The following ASIC2 variants were observed in gnomAD, a reference collection of about 807,000 sequenced individuals.
ASIC2 encodes the protein acid-sensing ion channel 2.
In ASIC2, 25 loss-of-function variants were observed where a neutral mutation model predicts 57.3. That is an observed-to-expected ratio of 0.44 (90% confidence interval 0.32 to 0.61). The LOEUF (loss-of-function observed/expected upper bound fraction) is 0.61. Among genes scored for constraint, ASIC2 ranks in the 20% least tolerant of loss-of-function variants. The pLI is 0.06. For synonymous variants in ASIC2, 319 were observed against 307.5 expected, an observed-to-expected ratio of 1.04 and a Z score of -0.39; for missense variants, 641 against 738.1, an observed-to-expected ratio of 0.87 and a Z score of 1.52.
At chr17:34,041,096 A>G (rs890350682) in intron 1 of ASIC2, 1 of 152,264 alleles carries the variant, frequency 6.6e-6, no homozygotes, top group South Asian at 2.1e-4. Flanking sequence ...TGGGTCTACC[A>G]TATGCAAAGC....
intron 1 of ASIC2, among the ~76,000 whole-genome samples, chr17:34,114,307 G>C (rs1024115231): frequency 2.6e-5 from 4 of 152,180 alleles, no homozygotes; most frequent in African/African-American, 9.7e-5. Context: ...TCATAGCAAA[G>C]GGAGGCACAG....
At chr17:33,181,300 G>A (rs193069861) in intron 1 of ASIC2, among the ~76,000 whole-genome samples, 117 of 152,274 alleles carry the variant, frequency 7.7e-4, no homozygotes, top group Non-Finnish European at 1.2e-3. Flanking sequence ...ACACAAAAGT[G>A]TTTATAATAA....
At chr17:33,190,496 A>C (rs1215699338) in intron 1 of ASIC2, among the ~76,000 whole-genome samples, 1 of 152,184 alleles carries the variant, frequency 6.6e-6, no homozygotes. Flanking sequence ...AACCCAATGA[A>C]AATCTCAGCA....
chr17:33,925,839 G>C (rs1383660230), intron 1 of ASIC2, among the ~76,000 whole-genome samples: 1 of 152,206 alleles, frequency 6.6e-6, no homozygotes, highest in African/African-American at 2.4e-5. Flanking sequence ...CTCTACCCAA[G>C]GCTGCGTGGG....
chr17:33,822,318 A>G (rs1217252197), intron 1 of ASIC2, among the ~76,000 whole-genome samples: 1 of 152,190 alleles, frequency 6.6e-6, no homozygotes, highest in Non-Finnish European at 1.5e-5. Flanking sequence ...TGAATAAAGC[A>G]TGCACTTTTT....
chr17:33,914,531 G>A (rs1372574237), intron 1 of ASIC2, among the ~76,000 whole-genome samples: 1 of 152,208 alleles, frequency 6.6e-6, no homozygotes, highest in Admixed American at 6.5e-5. Context: ...TACAACTGCA[G>A]GAACAGGCTA....
At chr17:33,266,763 T>G (rs991305322) in intron 1 of ASIC2, among the ~76,000 whole-genome samples, 10 of 152,204 alleles carry the variant, frequency 6.6e-5, no homozygotes, top group African/African-American at 2.4e-4. Context: ...ATTGTGACAT[T>G]ATAATGGACT....
At chr17:33,400,850 A>T (rs899197477) in intron 1 of ASIC2, among the ~76,000 whole-genome samples, 10 of 152,022 alleles carry the variant, frequency 6.6e-5, no homozygotes, top group Admixed American at 6.6e-4. Flanking sequence ...TCTATTACAA[A>T]CAGGCATCTC....
chr17:33,641,817 G>T (rs1384786449), intron 1 of ASIC2, among the ~76,000 whole-genome samples: 2 of 152,164 alleles, frequency 1.3e-5, no homozygotes, highest in Admixed American at 6.5e-5. Context: ...TGCGTGGTCT[G>T]TACAAAAGGG....
chr17:33,486,518 C>T (rs376495128), intron 1 of ASIC2, among the ~76,000 whole-genome samples: 5 of 152,318 alleles, frequency 3.3e-5, no homozygotes, highest in South Asian at 2.1e-4. Context: ...ATCACTTTTA[C>T]GGCCCTGGCT....
intron 1 of ASIC2, among the ~76,000 whole-genome samples, chr17:33,156,921 A>C (rs1240483554): frequency 6.6e-6 from 1 of 152,158 alleles, no homozygotes; most frequent in Non-Finnish European, 1.5e-5. Context: ...GCTGGGAACC[A>C]CTGCCTGAGC....
chr17:33,193,022 C>T (rs1382044674), intron 1 of ASIC2, among the ~76,000 whole-genome samples: 2 of 152,166 alleles, frequency 1.3e-5, no homozygotes, highest in Non-Finnish European at 2.9e-5. Flanking sequence ...TGCTAAGCAA[C>T]TGAATTGTTC....
intron 1 of ASIC2, among the ~76,000 whole-genome samples, chr17:33,902,638 C>G (rs988866279): frequency 6.6e-6 from 1 of 152,152 alleles, no homozygotes; most frequent in Non-Finnish European, 1.5e-5. Flanking sequence ...CAGCCTCAGT[C>G]TAGGGAGTTA....
At chr17:33,276,492 A>G (rs1904710431) in intron 1 of ASIC2, among the ~76,000 whole-genome samples, 1 of 152,208 alleles carries the variant, frequency 6.6e-6, no homozygotes. Context: ...AAAGACAAAA[A>G]CTGATTACTG....
intron 1 of ASIC2, among the ~76,000 whole-genome samples, chr17:33,513,659 G>A (rs1364275145): frequency 6.6e-6 from 1 of 152,204 alleles, no homozygotes; most frequent in East Asian, 1.9e-4. Context: ...AGAGGTGAGA[G>A]GAAGTTGGGG....
chr17:33,526,655 C>G (rs534698944), intron 1 of ASIC2, among the ~76,000 whole-genome samples: 1,941 of 152,238 alleles, frequency 0.013, no homozygotes, highest in African/African-American at 0.045. Flanking sequence ...CCTCATCAGG[C>G]CCTTATACAG....
chr17:33,060,265 G>A (rs2092015462), intron 3 of ASIC2, among the ~76,000 whole-genome samples: 1 of 152,062 alleles, frequency 6.6e-6, no homozygotes, highest in Admixed American at 6.5e-5. Flanking sequence ...GTATTGCCTA[G>A]GTTTTCTTCT....
At chr17:33,738,724 A>G (rs951590365) in intron 1 of ASIC2, among the ~76,000 whole-genome samples, 4 of 152,108 alleles carry the variant, frequency 2.6e-5, no homozygotes, top group African/African-American at 9.7e-5. Flanking sequence ...GGCAGATCCA[A>G]CTAAAACAAT....
intron 1 of ASIC2, among the ~76,000 whole-genome samples, chr17:33,740,867 T>C (rs1214171263): frequency 1.3e-5 from 2 of 152,226 alleles, no homozygotes; most frequent in African/African-American, 4.8e-5. Flanking sequence ...TCTAGGACTC[T>C]GCTAGAGTCT....
Sources: allele counts gnomAD v4.1 joint callset (sites outside exome capture counted in the v4.1 genomes callset), GRCh38; gene constraint gnomAD v4.1.1; transcripts MANE v1.5; gene names NCBI Gene and HGNC (gene_info 2026-07-23, HGNC 2026-07-21).